KANK1: variants seen among roughly 807,000 people sequenced by gnomAD.
KANK1 encodes KN motif and ankyrin repeat domains 1.
KANK1 carries 109 observed loss-of-function variants against 106.2 expected under a neutral mutation model. The observed-to-expected ratio is 1.03, with a 90% CI of 0.88 to 1.20. The LOEUF is 1.20. Among genes scored for constraint, KANK1 ranks in the 50% most tolerant of loss-of-function variants. The probability of loss-of-function intolerance (pLI) is 0.00; values close to 1 mark genes in which losing one functional copy is unlikely to be tolerated. For missense variants in KANK1, 2,399 were observed against 1,710.7 expected (o/e 1.40, Z -7.10); for synonymous variants, 873 against 652.2 (o/e 1.34, Z -5.16).
At chr9:480,950 T>C (rs1480627408) in intron 3 of KANK1, among the ~76,000 whole-genome samples, 1 of 152,222 alleles carries the variant, frequency 6.6e-6, no homozygotes, top group Admixed American at 6.5e-5. Flanking sequence ...ACCATGGGGC[T>C]ACTGTGTCCC....
At chr9:515,733 G>C (rs769685830) in intron 1 of KANK1, among the ~76,000 whole-genome samples, 1 of 151,780 alleles carries the variant, frequency 6.6e-6, no homozygotes, top group Non-Finnish European at 1.5e-5. Flanking sequence ...TTGAGATCCT[G>C]ATGCACCATT....
At chr9:704,459 T>C (rs1273109599) in intron 2 of KANK1, among the ~76,000 whole-genome samples, 1 of 152,192 alleles carries the variant, frequency 6.6e-6, no homozygotes, top group Non-Finnish European at 1.5e-5. Context: ...AAGGATTATT[T>C]CTGTGTTTCT....
chr9:523,624 C>T (rs1450646351), intron 1 of KANK1, among the ~76,000 whole-genome samples: 1 of 151,746 alleles, frequency 6.6e-6, no homozygotes, highest in Non-Finnish European at 1.5e-5. Context: ...TCGCCCCCAC[C>T]TCTGCTCTTC....
chr9:735,541 G>GTCTT (rs1284647710), intron 7 of KANK1, among the ~76,000 whole-genome samples: 15 of 152,202 alleles, frequency 9.9e-5, no homozygotes, highest in Non-Finnish European at 2.1e-4. Context: ...GTTGACAGCT[G>GTCTT]TCTTTTTTAT....
At chr9:708,242 C>T (rs528071758) in intron 2 of KANK1, among the ~76,000 whole-genome samples, 3 of 143,028 alleles carry the variant, frequency 2.1e-5, no homozygotes, top group African/African-American at 7.6e-5. Context: ...GGTCTGGCTG[C>T]TGCAGCTTCT....
chr9:660,014 T>G (rs117670219), intron 1 of KANK1: 11,504 of 304,846 alleles, frequency 0.038, 316 homozygotes, highest in Non-Finnish European at 0.054. Context: ...CTCCACTCTT[T>G]CCACCCCTTT....
At chr9:471,283 G>C (rs1224791294) in intron 2 of KANK1, among the ~76,000 whole-genome samples, 1 of 152,172 alleles carries the variant, frequency 6.6e-6, no homozygotes, top group African/African-American at 2.4e-5. Flanking sequence ...ACCGAGGAGG[G>C]GCACTATGTA....
intron 1 of KANK1, among the ~76,000 whole-genome samples, chr9:537,055 C>T (rs906411001): frequency 6.6e-6 from 1 of 152,138 alleles, no homozygotes; most frequent in Non-Finnish European, 1.5e-5. Context: ...GCGAGGAGAC[C>T]ACTTGAGTTG....
chr9:729,910 G>A, intron 3 of KANK1, 141 bp from the exon 4 acceptor site: 1 of 684,266 alleles, frequency 1.5e-6, no homozygotes, highest in Admixed American at 2.9e-5. Flanking sequence ...CAGGAAAGCT[G>A]GAGCGTCAAA....
rs2130985672 is a variant in KANK1 at position 713,375 on chromosome 9, TGTC to T, written c.2613_2615del (p.Ser872del). ...CTCAACTCTCAGCTCATCAGCACCC[TGTC>T]GTCTATCAACTCTGTCATGAAATCT... On this transcript the variant is annotated inframe_deletion, in exon 3 of 12. Coordinates refer to ENST00000382297, the MANE Select transcript of KANK1 (RefSeq NM_015158.5). The T allele has an allele frequency of 6.2e-7, 1 of 1,614,056 alleles. No homozygotes were observed. Among genetic ancestry groups the T allele is most frequent in the East Asian group, 2.2e-5 (1 of 44,882 alleles).
At chr9:541,148 A>G (rs1478869416) in intron 1 of KANK1, among the ~76,000 whole-genome samples, 1 of 152,158 alleles carries the variant, frequency 6.6e-6, no homozygotes, top group African/African-American at 2.4e-5. Context: ...AAAAACAGAG[A>G]GCTGGAGGCA....
At chr9:591,093 C>T (rs1245869773) in intron 1 of KANK1, among the ~76,000 whole-genome samples, 1 of 151,666 alleles carries the variant, frequency 6.6e-6, no homozygotes, top group Non-Finnish European at 1.5e-5. Flanking sequence ...GTTTTCTGTT[C>T]ATATCCTTTG....
At chr9:598,701 G>C (rs1349318149) in intron 1 of KANK1, among the ~76,000 whole-genome samples, 1 of 121,334 alleles carries the variant, frequency 8.2e-6, no homozygotes, top group Non-Finnish European at 1.6e-5. Flanking sequence ...CACGACCTCG[G>C]CTCACTGCAA....
intron 1 of KANK1, among the ~76,000 whole-genome samples, chr9:595,033 AT>A (rs1825873377): frequency 6.6e-6 from 1 of 151,974 alleles, no homozygotes; most frequent in South Asian, 2.1e-4. Context: ...AAAAAAAAGA[AT>A]TTTTAGAAAA....
At chr9:608,485 GA>G (rs1348798203) in intron 1 of KANK1, among the ~76,000 whole-genome samples, 1 of 151,740 alleles carries the variant, frequency 6.6e-6, no homozygotes, top group African/African-American at 2.4e-5. Context: ...TTACCTATAA[GA>G]AAAGATCATT....
At chr9:522,097 G>A (rs2059581000) in intron 1 of KANK1, among the ~76,000 whole-genome samples, 1 of 151,694 alleles carries the variant, frequency 6.6e-6, no homozygotes, top group Non-Finnish European at 1.5e-5. Flanking sequence ...TGTAAATATT[G>A]TAAGAGATTG....
chr9:564,216 C>A (rs1159450848), intron 1 of KANK1, among the ~76,000 whole-genome samples: 1 of 151,978 alleles, frequency 6.6e-6, no homozygotes, highest in East Asian at 1.9e-4. Flanking sequence ...CCCGCCACCA[C>A]GCCCGGCTAA....
chr9:744,839 T>C, intron 11 of KANK1: 1 of 1,421,410 alleles, frequency 7.0e-7, no homozygotes, highest in Non-Finnish European at 9.2e-7. Flanking sequence ...GAGGTTTTGA[T>C]TCTGTGCAGA....
chr9:567,890 G>A lies in KANK1; in HGVS notation c.-84+63136G>A, dbSNP rs1818204504. Among the ~76,000 whole-genome samples, 3 of 152,168 alleles carry A rather than the reference G, an allele frequency of 2.0e-5. No homozygotes were observed. The South Asian group carries it at 6.2e-4, about 31-fold the overall frequency. On this transcript the variant is annotated intron_variant, in intron 1 of 11. Coordinates refer to ENST00000382297, the MANE Select transcript of KANK1 (RefSeq NM_015158.5). Reference sequence around the variant, plus strand: ...TAACTTTAAGAGGCCCAGTGGTATTGAATTTAGAGTTAATTTTTAAAACTG... The same window carrying A: ...TAACTTTAAGAGGCCCAGTGGTATTAAATTTAGAGTTAATTTTTAAAACTG...
Sources: allele counts gnomAD v4.1 joint callset (sites outside exome capture counted in the v4.1 genomes callset), GRCh38; gene constraint gnomAD v4.1.1; transcripts MANE v1.5; gene names NCBI Gene and HGNC (gene_info 2026-07-23, HGNC 2026-07-21).